Variants in AKT3 observed in about 807,000 individuals in gnomAD.
AKT3 encodes RAC-gamma serine/threonine-protein kinase.
AKT3 carries 15 observed loss-of-function variants against 65.3 expected under a neutral mutation model. The observed-to-expected ratio is 0.23, with a 90% CI of 0.15 to 0.35. The LOEUF (loss-of-function observed/expected upper bound fraction) is 0.35. Ranked by LOEUF, AKT3 falls within the 10% of genes least tolerant of loss-of-function variation. The pLI, the probability that AKT3 is intolerant of heterozygous loss-of-function variation, is 1.00. For missense variants in AKT3, 243 were observed against 576.5 expected (o/e 0.42, Z 5.92); for synonymous variants, 206 against 183.8 (o/e 1.12, Z -0.98).
chr1:243,736,959 G>C (rs1376632796), intron 2 of AKT3, among the ~76,000 whole-genome samples: 2 of 152,090 alleles, frequency 1.3e-5, no homozygotes, highest in Admixed American at 1.3e-4. Context: ...TCTGAACATA[G>C]AGCAATCTTT....
intron 2 of AKT3, among the ~76,000 whole-genome samples, chr1:243,792,437 A>T (rs1691690020): frequency 6.6e-6 from 1 of 152,172 alleles, no homozygotes. Flanking sequence ...GGAATTATAC[A>T]TCTATATATA....
At chr1:243,820,618 G>T (rs370414812) in intron 2 of AKT3, among the ~76,000 whole-genome samples, 1 of 152,122 alleles carries the variant, frequency 6.6e-6, no homozygotes, top group South Asian at 2.1e-4. Context: ...TGACCCAATA[G>T]AACTGAAAAA....
intron 10 of AKT3, among the ~76,000 whole-genome samples, chr1:243,557,248 T>C (rs1673471259): frequency 6.6e-6 from 1 of 152,132 alleles, no homozygotes; most frequent in African/African-American, 2.4e-5. Context: ...TGAGCCTTCA[T>C]AACCCAAGTA....
At chr1:243,488,651 G>A (rs1248201490) in intron 13 of AKT3, among the ~76,000 whole-genome samples, 1 of 152,182 alleles carries the variant, frequency 6.6e-6, no homozygotes, top group Non-Finnish European at 1.5e-5. Flanking sequence ...CGGGGCGGCC[G>A]TCTGCTCAGC....
chr1:243,623,583 G>C (rs1222515319), intron 6 of AKT3, among the ~76,000 whole-genome samples: 1 of 152,126 alleles, frequency 6.6e-6, no homozygotes, highest in Non-Finnish European at 1.5e-5. Context: ...CTCTTCTCCT[G>C]TCCTTGGACA....
intron 2 of AKT3, among the ~76,000 whole-genome samples, chr1:243,743,093 G>A (rs887067267): frequency 3.3e-5 from 5 of 152,132 alleles, no homozygotes; most frequent in African/African-American, 1.2e-4. Context: ...CAAAGGAAGT[G>A]CACGGAAGGC....
At chr1:243,517,422 T>C (rs1022413380) in intron 12 of AKT3, among the ~76,000 whole-genome samples, 29 of 152,230 alleles carry the variant, frequency 1.9e-4, no homozygotes, top group Admixed American at 1.9e-3. Context: ...AACTGTCCAA[T>C]AGTAACTGTA....
intron 2 of AKT3, among the ~76,000 whole-genome samples, chr1:243,748,216 A>C (rs1688596654): frequency 6.6e-6 from 1 of 152,188 alleles, no homozygotes; most frequent in Non-Finnish European, 1.5e-5. Context: ...AATTGTTCAG[A>C]GTTTTGAAAG....
At chr1:243,627,331 TAA>T (rs199839602) in intron 6 of AKT3, among the ~76,000 whole-genome samples, 2 of 142,966 alleles carry the variant, frequency 1.4e-5, no homozygotes, top group African/African-American at 2.5e-5. Context: ...CTGTTTCAAT[TAA>T]AAAAAAAAAA....
chr1:243,645,938 T>C lies in AKT3; in HGVS notation c.384A>G (p.Ile128Met), dbSNP rs374658863. ...NCSPTSQIDN[I>M]GEEEMDASTT... ...TAGAGGCATCCATCTCTTCCTCTCC[T>C]ATATTATCAATTTGTGAAGTTGGAC... The change falls in exon 5 of 14, where the codon ATA becomes ATG. Residue 128 changes from isoleucine (I) to methionine (M), a missense_variant. Physicochemically the swap from Ile to Met is conservative, Grantham distance 10. Transcript: ENST00000673466. 36 of 1,612,716 alleles carry C rather than the reference T, an allele frequency of 2.2e-5. No homozygotes were observed. Among genetic ancestry groups the C allele is most frequent in the Non-Finnish European group, 3.0e-5 (35 of 1,178,970 alleles).
chr1:243,843,544 C>A (rs1332545292), intron 1 of AKT3: 1 of 1,055,478 alleles, frequency 9.5e-7, no homozygotes, highest in African/African-American at 1.7e-5. Context: ...TCACGCCTAC[C>A]CAAATAATAG....
At chr1:243,668,521 A>G in intron 3 of AKT3, among the ~76,000 whole-genome samples, 1 of 152,238 alleles carries the variant, frequency 6.6e-6, no homozygotes, top group Non-Finnish European at 1.5e-5. Flanking sequence ...AAAAAAAGAT[A>G]TGAAATAGCA....
At chr1:243,629,788 T>C (rs1023174863) in intron 6 of AKT3, among the ~76,000 whole-genome samples, 1 of 152,074 alleles carries the variant, frequency 6.6e-6, no homozygotes, top group African/African-American at 2.4e-5. Flanking sequence ...TGAGACTTTG[T>C]CTCCAAAAAT....
At chr1:243,676,502 C>T (rs1683523544) in intron 3 of AKT3, among the ~76,000 whole-genome samples, 1 of 152,156 alleles carries the variant, frequency 6.6e-6, no homozygotes, top group Admixed American at 6.5e-5. Flanking sequence ...AGTCACGGCC[C>T]TTCTCATCAA....
At chr1:243,706,749 C>T (rs1685831268) in intron 2 of AKT3, among the ~76,000 whole-genome samples, 1 of 152,142 alleles carries the variant, frequency 6.6e-6, no homozygotes, top group African/African-American at 2.4e-5. Context: ...CATGAATGTC[C>T]TCAGCCAGGC....
At chr1:243,818,588 A>T (rs183215026) in intron 2 of AKT3, among the ~76,000 whole-genome samples, 1 of 152,314 alleles carries the variant, frequency 6.6e-6, no homozygotes, top group East Asian at 1.9e-4. Flanking sequence ...TAGTATCTCT[A>T]ACTGGTAAGA....
intron 13 of AKT3, among the ~76,000 whole-genome samples, chr1:243,507,590 C>T (rs1356990074): frequency 1.3e-5 from 2 of 152,172 alleles, no homozygotes; most frequent in African/African-American, 4.8e-5. Flanking sequence ...TGTCAATGTA[C>T]ACAAGTTAGT....
At chr1:243,615,189 A>T (rs758691436) in intron 6 of AKT3, 28 bp from the exon 7 acceptor site, 2 of 1,553,480 alleles carry the variant, frequency 1.3e-6, no homozygotes, top group Admixed American at 1.7e-5. Context: ...CAAACCTTCA[A>T]TATATGTTTT....
At position 243,664,828 on chromosome 1, in the gene AKT3, A is replaced by G. The variant is rs745433797; in HGVS notation, c.228T>C (p.Cys76=). The G allele has an allele frequency of 8.2e-6, 13 of 1,594,164 alleles. No individual in the cohort carries two copies. The highest frequency in any genetic ancestry group is 1.0e-5 in the Non-Finnish European group (12 of 1,172,004). ...TCTCTATAACAGTAGTCCACTGGAG[A>G]CATCTGATTATAAATGTGTTTGGCT... ...RPKPNTFIIR[C]LQWTTVIERT... is the part of the protein sequence containing the mutation. The change falls in exon 4 of 14, where the codon TGT becomes TGC. Residue 76 remains cysteine, a synonymous_variant. Coordinates refer to ENST00000673466, the MANE Select transcript of AKT3 (RefSeq NM_005465.7).
Sources: gnomAD v4.1 joint callset for allele counts (sites outside exome capture counted in the v4.1 genomes callset) on GRCh38, gnomAD v4.1.1 for gene constraint, MANE v1.5 for transcripts, NCBI Gene and HGNC (gene_info 2026-07-23, HGNC 2026-07-21) for gene names.